TENM2: variants seen among roughly 807,000 people sequenced by gnomAD.
The protein encoded by TENM2 is teneurin transmembrane protein 2.
In TENM2, 52 loss-of-function variants were observed where a neutral mutation model predicts 245.2. That is an observed-to-expected ratio of 0.21 (90% CI 0.17 to 0.27). TENM2 has a LOEUF of 0.27. Ranked by LOEUF, TENM2 falls within the 10% of genes least tolerant of loss-of-function variation. The pLI is 1.00. For missense variants in TENM2, 3,046 were observed against 3,666.8 expected (o/e 0.83, Z 4.37); for synonymous variants, 1,363 against 1,438.9 (o/e 0.95, Z 1.19).
intron 1 of TENM2, among the ~76,000 whole-genome samples, chr5:167,366,103 AG>A (rs1370686965): frequency 1.5e-4 from 3 of 20,534 alleles, no homozygotes; most frequent in Non-Finnish European, 2.7e-4. Flanking sequence ...TTCTTTTGAA[AG>A]AAAAAAAATT....
At chr5:167,317,811 G>C (rs1581731022) in intron 1 of TENM2, among the ~76,000 whole-genome samples, 1 of 152,174 alleles carries the variant, frequency 6.6e-6, no homozygotes, top group East Asian at 1.9e-4. Flanking sequence ...TCATTGTGTG[G>C]GTGTGAGTGT....
chr5:167,335,660 G>C (rs1757712571), intron 1 of TENM2, among the ~76,000 whole-genome samples: 1 of 151,722 alleles, frequency 6.6e-6, no homozygotes, highest in Non-Finnish European at 1.5e-5. Flanking sequence ...AGCTAAAAAA[G>C]TGACTTGTGA....
chr5:167,831,824 A>G (rs1768523229), intron 2 of TENM2, among the ~76,000 whole-genome samples: 1 of 152,160 alleles, frequency 6.6e-6, no homozygotes, highest in Non-Finnish European at 1.5e-5. Flanking sequence ...GGATGAAATG[A>G]GTGAGTGGCT....
the TENM2 span, among the ~76,000 whole-genome samples, chr5:167,266,189 T>G: frequency 6.6e-5 from 10 of 152,180 alleles, no homozygotes; most frequent in African/African-American, 1.9e-4. Context: ...TTGTCACTAA[T>G]CATCTCAAGG....
chr5:167,275,101 A>G, the TENM2 span, among the ~76,000 whole-genome samples: 2 of 151,922 alleles, frequency 1.3e-5, no homozygotes, highest in East Asian at 3.9e-4. Context: ...AATTGCTCCA[A>G]TACCCTTTGT....
the TENM2 span, among the ~76,000 whole-genome samples, chr5:167,146,668 A>C: frequency 6.6e-6 from 1 of 152,182 alleles, no homozygotes; most frequent in Non-Finnish European, 1.5e-5. Flanking sequence ...CTTGAGCCTG[A>C]AAACGGACTC....
chr5:167,327,521 C>G (rs574050826), intron 1 of TENM2, among the ~76,000 whole-genome samples: 3 of 152,086 alleles, frequency 2.0e-5, no homozygotes, highest in African/African-American at 7.2e-5. Flanking sequence ...CATAGACACC[C>G]AGTAAATACC....
chr5:167,377,779 TATC>T (rs1760852441), intron 2 of TENM2, among the ~76,000 whole-genome samples: 1 of 152,166 alleles, frequency 6.6e-6, no homozygotes, highest in African/African-American at 2.4e-5. Context: ...GGGAATGTAT[TATC>T]ATATAGATTG....
chr5:167,646,204 T>TATATATATATATATATATGTTGTTTTC (rs1779946562), intron 2 of TENM2, among the ~76,000 whole-genome samples: 1 of 127,924 alleles, frequency 7.8e-6, no homozygotes, highest in African/African-American at 3.8e-5. Flanking sequence ...TGTTTTCATA[T>TATATATATATATATATATGTTGTTTTC]ATATATATAT....
At chr5:167,868,514 G>A (rs555474432) in intron 2 of TENM2, among the ~76,000 whole-genome samples, 8 of 151,956 alleles carry the variant, frequency 5.3e-5, no homozygotes, top group African/African-American at 1.2e-4. Flanking sequence ...TGAGGTGGGC[G>A]GATCACCTGA....
intron 2 of TENM2, among the ~76,000 whole-genome samples, chr5:167,658,282 C>A (rs557564450): frequency 6.6e-6 from 1 of 151,178 alleles, no homozygotes; most frequent in Admixed American, 6.6e-5. Context: ...AATCTTGGGT[C>A]ACTGCAACCT....
intron 2 of TENM2, among the ~76,000 whole-genome samples, chr5:167,695,806 G>C (rs1232005099): frequency 6.6e-6 from 1 of 151,514 alleles, no homozygotes; most frequent in Admixed American, 6.6e-5. Flanking sequence ...AGGCCGAGGT[G>C]GGCGGATCAC....
At chr5:167,345,415 C>G (rs1360785099) in intron 1 of TENM2, among the ~76,000 whole-genome samples, 1 of 152,220 alleles carries the variant, frequency 6.6e-6, no homozygotes, top group Non-Finnish European at 1.5e-5. Flanking sequence ...ATCATTTACG[C>G]ACCCAGGGCG....
At chr5:168,246,212 G>T (rs527545969) in intron 26 of TENM2, among the ~76,000 whole-genome samples, 11 of 150,970 alleles carry the variant, frequency 7.3e-5, no homozygotes, top group South Asian at 6.4e-4. Context: ...CTCCAGCCTG[G>T]GTGATGGAGT....
chr5:167,415,718 C>A (rs1477135366), intron 2 of TENM2, among the ~76,000 whole-genome samples: 1 of 151,810 alleles, frequency 6.6e-6, no homozygotes, highest in Non-Finnish European at 1.5e-5. Context: ...TGAAGTTTTT[C>A]AACTGAAACC....
At chr5:168,080,450 A>G (rs535361339) in intron 7 of TENM2, among the ~76,000 whole-genome samples, 2 of 152,126 alleles carry the variant, frequency 1.3e-5, no homozygotes, top group South Asian at 4.2e-4. Flanking sequence ...CTCTGATCTT[A>G]GTTATTTCTT....
chr5:167,542,647 A>G (rs1340258560), intron 2 of TENM2, among the ~76,000 whole-genome samples: 1 of 152,192 alleles, frequency 6.6e-6, no homozygotes, highest in Non-Finnish European at 1.5e-5. Flanking sequence ...TGGTTCCTTC[A>G]TACATAAAGG....
At chr5:167,636,180 AAAG>A (rs1779199928) in intron 2 of TENM2, among the ~76,000 whole-genome samples, 1 of 152,188 alleles carries the variant, frequency 6.6e-6, no homozygotes, top group African/African-American at 2.4e-5. Flanking sequence ...TTTTTTCTAT[AAAG>A]AAATAATAAA....
the TENM2 span, among the ~76,000 whole-genome samples, chr5:167,006,804 T>C: frequency 6.6e-6 from 1 of 152,090 alleles, no homozygotes; most frequent in South Asian, 2.1e-4. Context: ...GTAGCTGGGA[T>C]TACAGGCATG....
Sources: gnomAD v4.1 joint callset for allele counts (sites outside exome capture counted in the v4.1 genomes callset) on GRCh38, gnomAD v4.1.1 for gene constraint, MANE v1.5 for transcripts, NCBI Gene and HGNC (gene_info 2026-07-23, HGNC 2026-07-21) for gene names.